Variants in DMD observed in about 807,000 individuals in gnomAD.
The protein encoded by DMD is mutant dystrophin.
Under a neutral mutation model 330.1 loss-of-function variants are expected in DMD, and 63 were observed. The observed-to-expected ratio is 0.19, with a 90% CI of 0.16 to 0.24. The LOEUF (loss-of-function observed/expected upper bound fraction) is 0.24, where lower values mean the gene tolerates loss of function less well. Ranked by LOEUF, DMD falls within the 10% of genes least tolerant of loss-of-function variation. The pLI, the probability that DMD is intolerant of heterozygous loss-of-function variation, is 1.00. For missense variants in DMD, 3,344 were observed against 2,684.1 expected (o/e 1.25, Z -5.43); for synonymous variants, 1,223 against 959.8 (o/e 1.27, Z -5.07).
intron 44 of DMD, among the ~76,000 whole-genome samples, chrX:32,057,206 A>G (rs1461851444): frequency 8.9e-6 from 1 of 111,890 alleles, no homozygotes; most frequent in Non-Finnish European, 1.9e-5. Context: ...AAGATCAGAA[A>G]CAAGACAAGA....
At chrX:33,041,610 A>C (rs919656899) in intron 1 of DMD, 47 of 1,208,261 alleles carry the variant, frequency 3.9e-5, no homozygotes, top group Admixed American at 8.7e-5. Flanking sequence ...GCAGGTTGGA[A>C]GCCGCATATT....
At chrX:31,365,046 G>C (rs1454252060) in intron 60 of DMD, among the ~76,000 whole-genome samples, 1 of 92,023 alleles carries the variant, frequency 1.1e-5, no homozygotes, top group Non-Finnish European at 2.1e-5. Context: ...AGTGAGCCGA[G>C]ATCACACCAC....
intron 62 of DMD, among the ~76,000 whole-genome samples, chrX:31,278,596 GA>G (rs1307305509): frequency 1.8e-5 from 2 of 111,999 alleles, no homozygotes; most frequent in Non-Finnish European, 3.8e-5. Flanking sequence ...ATTGCAGGAG[GA>G]AAAACATTGC....
intron 43 of DMD, among the ~76,000 whole-genome samples, chrX:32,257,476 C>A (rs982913104): frequency 3.6e-5 from 4 of 111,394 alleles, no homozygotes; most frequent in African/African-American, 1.3e-4. Context: ...GATATATAGA[C>A]CAATGGAACA....
intron 62 of DMD, 42 bp downstream of exon 62, chrX:31,323,556 C>T: frequency 9.0e-7 from 1 of 1,108,777 alleles, no homozygotes; most frequent in Non-Finnish European, 1.2e-6. Context: ...ACAGGTTAGT[C>T]ACAATAAATG....
At chrX:31,480,055 T>C (rs1019060600) in intron 57 of DMD, among the ~76,000 whole-genome samples, 6 of 112,309 alleles carry the variant, frequency 5.3e-5, no homozygotes, top group Admixed American at 9.5e-5. Context: ...AATGCTAATA[T>C]AACTGTTTAA....
rs750381543 is a variant in DMD, at chrX:31,907,545, C to G, written c.6912+22051G>C. On this transcript the variant is annotated intron_variant, in intron 47 of 78. Transcript: ENST00000357033. ...GCTGAAACTGGATCCCTTCCTTACA[C>G]CTTATACAAAAATTAATTAATTCAA... 2.9e-3 allele frequency among the ~76,000 whole-genome samples: 328 copies of G among 111,778 alleles called. 3 individuals carry two copies. The highest frequency in any genetic ancestry group is 9.8e-3 in the African/African-American group (300 of 30,756).
intron 55 of DMD, among the ~76,000 whole-genome samples, chrX:31,516,936 C>G (rs5971576): frequency 0.1 from 11,122 of 110,872 alleles, 554 homozygotes; most frequent in Admixed American, 0.19. Context: ...TAAGCAATCC[C>G]GAACTCTGGT....
At chrX:31,374,567 C>T (rs150077756) in intron 60 of DMD, among the ~76,000 whole-genome samples, 2,486 of 103,677 alleles carry the variant, frequency 0.024, 73 homozygotes, top group African/African-American at 0.083. Flanking sequence ...TAAACTATCA[C>T]ATGGACAAAA....
chrX:32,640,806 G>A (rs1215313200), intron 11 of DMD, among the ~76,000 whole-genome samples: 1 of 111,159 alleles, frequency 9.0e-6, no homozygotes, highest in African/African-American at 3.3e-5. Context: ...AGGTTTTCTT[G>A]ACCTATCTCT....
chrX:33,001,621 T>C (rs1486211730), intron 2 of DMD, among the ~76,000 whole-genome samples: 2 of 111,694 alleles, frequency 1.8e-5, no homozygotes, highest in Non-Finnish European at 3.8e-5. Flanking sequence ...GTATTATTAT[T>C]AGACACTGTC....
intron 11 of DMD, among the ~76,000 whole-genome samples, chrX:32,622,380 T>G (rs1221423308): frequency 1.8e-5 from 2 of 112,040 alleles, no homozygotes; most frequent in East Asian, 5.6e-4. Context: ...GAGAAAATAT[T>G]TCTTTTCCTT....
chrX:31,457,689 A>C (rs1329716867), intron 59 of DMD, among the ~76,000 whole-genome samples: 1 of 112,051 alleles, frequency 8.9e-6, no homozygotes, highest in East Asian at 2.8e-4. Flanking sequence ...AGAGGAATCT[A>C]GAATTGTGAG....
chrX:32,102,401 A>G (rs2096544274), intron 44 of DMD, among the ~76,000 whole-genome samples: 1 of 111,415 alleles, frequency 9.0e-6, no homozygotes, highest in Non-Finnish European at 1.9e-5. Context: ...TATTGTTCCT[A>G]ACTCATTCAA....
intron 67 of DMD, among the ~76,000 whole-genome samples, chrX:31,191,751 A>G (rs774142830): frequency 8.0e-5 from 9 of 111,864 alleles, no homozygotes; most frequent in African/African-American, 2.9e-4. Flanking sequence ...CTTTATCAGC[A>G]GCGTGAAAAC....
chrX:32,598,560 T>G (rs1292789774), intron 12 of DMD, among the ~76,000 whole-genome samples: 1 of 112,096 alleles, frequency 8.9e-6, no homozygotes, highest in Admixed American at 9.5e-5. Context: ...ATAATGCCAG[T>G]TTTCATTTTT....
intron 20 of DMD, among the ~76,000 whole-genome samples, chrX:32,487,396 A>T (rs2066526246): frequency 8.9e-6 from 1 of 111,764 alleles, no homozygotes; most frequent in African/African-American, 3.3e-5. Context: ...TTAATATGTA[A>T]CAACAGGAAA....
At chrX:31,155,875 G>C (rs2038060095) in intron 74 of DMD, among the ~76,000 whole-genome samples, 1 of 109,840 alleles carries the variant, frequency 9.1e-6, no homozygotes. Flanking sequence ...TGTAGTCTCA[G>C]CTACTCAGGA....
chrX:32,161,359 C>A (rs908112473), intron 44 of DMD, among the ~76,000 whole-genome samples: 59 of 111,490 alleles, frequency 5.3e-4, no homozygotes, highest in African/African-American at 1.8e-3. Flanking sequence ...GTGCCCTGGA[C>A]ATCTGGCAGA....
Sources: gnomAD v4.1 joint callset for allele counts (sites outside exome capture counted in the v4.1 genomes callset) on GRCh38, gnomAD v4.1.1 for gene constraint, MANE v1.5 for transcripts, NCBI Gene and HGNC (gene_info 2026-07-23, HGNC 2026-07-21) for gene names.